The following LARGE1 variants were observed in gnomAD, a reference collection of about 807,000 sequenced individuals.
LARGE1 encodes xylosyl- and glucuronyltransferase LARGE1.
Under a neutral mutation model 87.6 loss-of-function variants are expected in LARGE1, and 43 were observed. The ratio of observed to expected loss-of-function variants is 0.49; its 90% CI spans 0.38 to 0.63. The LOEUF is 0.63. Ranked by LOEUF, LARGE1 falls within the 30% of genes least tolerant of loss-of-function variation. The pLI is 0.00. For missense variants in LARGE1, 802 were observed against 1,000.2 expected, an observed-to-expected ratio of 0.80 and a Z score of 2.67; for synonymous variants, 434 against 394.6, an observed-to-expected ratio of 1.10 and a Z score of -1.18.
At chr22:33,824,964 A>G (rs772230749) in intron 1 of LARGE1, among the ~76,000 whole-genome samples, 10 of 152,208 alleles carry the variant, frequency 6.6e-5, no homozygotes, top group African/African-American at 9.6e-5. Context: ...ATGTTCTACT[A>G]CAGCTCATCC....
At chr22:33,884,064 T>C (rs1362355729) in intron 1 of LARGE1, among the ~76,000 whole-genome samples, 1 of 152,172 alleles carries the variant, frequency 6.6e-6, no homozygotes, top group African/African-American at 2.4e-5. Flanking sequence ...CAGTAAATAG[T>C]TGTGTGATGA....
chr22:33,428,868 T>C (rs1316784006), intron 7 of LARGE1, among the ~76,000 whole-genome samples: 1 of 143,070 alleles, frequency 7.0e-6, no homozygotes, highest in African/African-American at 2.6e-5. Flanking sequence ...AGGCAGAGCT[T>C]GCAGTGAGCC....
intron 6 of LARGE1, among the ~76,000 whole-genome samples, chr22:33,527,563 C>T (rs1306990056): frequency 6.6e-6 from 1 of 152,150 alleles, no homozygotes; most frequent in Admixed American, 6.5e-5. Flanking sequence ...TTTAATCCCT[C>T]TTGCTGTCTT....
intron 9 of LARGE1, among the ~76,000 whole-genome samples, chr22:33,374,587 G>T (rs11703345): frequency 0.097 from 14,681 of 151,992 alleles, 924 homozygotes; most frequent in South Asian, 0.25. Flanking sequence ...AAGTTTTATT[G>T]ACCTGAAATT....
At chr22:33,138,350 G>A in the LARGE1 span, among the ~76,000 whole-genome samples, 64,090 of 151,982 alleles carry the variant, frequency 0.42, 13,972 homozygotes, top group South Asian at 0.68. Flanking sequence ...TCCATTGTAT[G>A]TAGGAAGTAA....
rs112811253 is a variant in LARGE1 at position 33,414,127 on chromosome 22, A to T, written c.892+18034T>A. Among the ~76,000 whole-genome samples the T allele has an allele frequency of 3.2e-3, 489 of 152,266 alleles. 2 individuals carry two copies. Among genetic ancestry groups the T allele is most frequent in the African/African-American group, 0.011 (444 of 41,546 alleles). On this transcript the variant is annotated intron_variant, in intron 7 of 14. Coordinates refer to ENST00000397394, the MANE Select transcript of LARGE1 (RefSeq NM_133642.5). ...TGGAGGAACCGCCATACTGTTTTCC[A>T]TAGTGGCCGCATCATTCTATAATAC...
At chr22:33,093,719 A>G in the LARGE1 span, among the ~76,000 whole-genome samples, 1 of 151,788 alleles carries the variant, frequency 6.6e-6, no homozygotes, top group Admixed American at 6.6e-5. Context: ...AGGTAAGGGA[A>G]TATCAGAGTA....
At chr22:33,606,413 T>TAAATAAAATA (rs796310529) in intron 4 of LARGE1, among the ~76,000 whole-genome samples, 1 of 53,466 alleles carries the variant, frequency 1.9e-5, no homozygotes, top group East Asian at 5.8e-4. Flanking sequence ...ACAAAATAAA[T>TAAATAAAATA]AAATAAAATA....
rs759430272 is a variant in LARGE1 at position 33,761,510 on chromosome 22, C to T, written c.-34G>A. 3.9e-6 allele frequency: 6 copies of T among 1,544,552 alleles called. No individual in the cohort carries two copies. Among genetic ancestry groups the T allele is most frequent in the African/African-American group, 2.7e-5 (2 of 73,566 alleles). On this transcript the variant is annotated 5_prime_UTR_variant, in exon 2 of 15. Transcript: ENST00000397394. ...AAGTGGCAATCCCTAATCCCAGCGC[C>T]GTTTCTCTGTCCGGAGCATGAAGTC...
chr22:33,420,139 C>T (rs1356439041), intron 7 of LARGE1, among the ~76,000 whole-genome samples: 2 of 152,178 alleles, frequency 1.3e-5, no homozygotes, highest in Non-Finnish European at 2.9e-5. Flanking sequence ...TAAAATTTCC[C>T]ACGAGCAACC....
chr22:33,282,080 T>C (rs554707421), intron 13 of LARGE1, among the ~76,000 whole-genome samples: 1 of 152,200 alleles, frequency 6.6e-6, no homozygotes, highest in Non-Finnish European at 1.5e-5. Flanking sequence ...CGCAGTGGCT[T>C]AGGCCTGTAA....
intron 1 of LARGE1, among the ~76,000 whole-genome samples, chr22:33,876,437 C>T (rs1336152395): frequency 6.6e-6 from 1 of 152,166 alleles, no homozygotes; most frequent in Non-Finnish European, 1.5e-5. Context: ...GCTGGTGATA[C>T]AGATATGTTA....
At chr22:33,102,059 G>T in the LARGE1 span, among the ~76,000 whole-genome samples, 1 of 151,976 alleles carries the variant, frequency 6.6e-6, no homozygotes, top group East Asian at 1.9e-4. Flanking sequence ...TCATACGGTA[G>T]CCAAGCCCTG....
intron 7 of LARGE1, among the ~76,000 whole-genome samples, chr22:33,405,363 G>C (rs2066060854): frequency 1.3e-5 from 2 of 152,136 alleles, no homozygotes; most frequent in Non-Finnish European, 1.5e-5. Flanking sequence ...GCCCACATCA[G>C]GGCTGCTACA....
chr22:33,820,251 T>G (rs1179890419), intron 1 of LARGE1, among the ~76,000 whole-genome samples: 2 of 152,116 alleles, frequency 1.3e-5, no homozygotes, highest in Non-Finnish European at 2.9e-5. Context: ...GGCCTGACAA[T>G]AGATGTTTTT....
At chr22:33,550,774 C>G (rs1357572544) in intron 6 of LARGE1, among the ~76,000 whole-genome samples, 1 of 152,174 alleles carries the variant, frequency 6.6e-6, no homozygotes. Flanking sequence ...CTCACAATAG[C>G]AAAGACATGA....
chr22:33,631,087 T>A (rs1364968744), intron 3 of LARGE1, among the ~76,000 whole-genome samples: 1 of 152,108 alleles, frequency 6.6e-6, no homozygotes, highest in Non-Finnish European at 1.5e-5. Flanking sequence ...TCTCCTGACC[T>A]CGTGATCCAC....
chr22:33,394,702 CGTGT>C (rs59338001), intron 7 of LARGE1, among the ~76,000 whole-genome samples: 15,269 of 142,234 alleles, frequency 0.11, 915 homozygotes, highest in African/African-American at 0.21. Flanking sequence ...CTCCTGGGAG[CGTGT>C]GTGTGTGTGT....
At chr22:33,699,561 A>C (rs920028852) in intron 2 of LARGE1, among the ~76,000 whole-genome samples, 1 of 152,258 alleles carries the variant, frequency 6.6e-6, no homozygotes, top group African/African-American at 2.4e-5. Context: ...AGACAGATGC[A>C]GGAGATGACA....
Sources: gnomAD v4.1 joint callset for allele counts (sites outside exome capture counted in the v4.1 genomes callset) on GRCh38, gnomAD v4.1.1 for gene constraint, MANE v1.5 for transcripts, NCBI Gene and HGNC (gene_info 2026-07-23, HGNC 2026-07-21) for gene names.